The following IFT80 variants were observed in gnomAD, a reference collection of about 807,000 sequenced individuals.
IFT80 encodes intraflagellar transport 80.
Under a neutral mutation model 107.9 loss-of-function variants are expected in IFT80, and 79 were observed. The ratio of observed to expected loss-of-function variants is 0.73; its 90% CI spans 0.61 to 0.88. The LOEUF (loss-of-function observed/expected upper bound fraction) is 0.88. Ranked by LOEUF, IFT80 falls within the 40% of genes least tolerant of loss-of-function variation. The pLI, the probability that IFT80 is intolerant of heterozygous loss-of-function variation, is 0.00. For missense variants in IFT80, 797 were observed against 914.2 expected, an observed-to-expected ratio of 0.87 and a Z score of 1.65; for synonymous variants, 299 against 300.9, an observed-to-expected ratio of 0.99 and a Z score of 0.07.
At position 160,288,060 on chromosome 3, in the gene IFT80, G is replaced by C. The variant is rs945171692; in HGVS notation, c.1316-2192C>G. Among the ~76,000 whole-genome samples, 3 of 152,298 alleles carry C rather than the reference G, an allele frequency of 2.0e-5. No homozygotes were observed. The East Asian group carries it at 5.8e-4, about 29-fold the overall frequency. On this transcript the variant is annotated intron_variant, in intron 12 of 19. Transcript: ENST00000326448. Reference sequence around the variant, plus strand: ...TTAAACAGTTATTAAGAAATACAGCGCAGTCTGGGCGCAGTGGCTCACGCC... The same window carrying C: ...TTAAACAGTTATTAAGAAATACAGCCCAGTCTGGGCGCAGTGGCTCACGCC...
intron 3 of IFT80, among the ~76,000 whole-genome samples, chr3:160,380,734 C>T: frequency 6.6e-6 from 1 of 151,830 alleles, no homozygotes; most frequent in Non-Finnish European, 1.5e-5. Context: ...TTGTTATTCA[C>T]CAATAAGAAA....
chr3:160,301,137 A>C, intron 11 of IFT80, 91 bp from the exon 12 acceptor site: 1 of 1,185,220 alleles, frequency 8.4e-7, no homozygotes, highest in Non-Finnish European at 1.2e-6. Context: ...TTGGGAAAAA[A>C]AATCTAAATC....
intron 8 of IFT80, among the ~76,000 whole-genome samples, chr3:160,354,374 G>T (rs147973704): frequency 6.6e-6 from 1 of 152,298 alleles, no homozygotes; most frequent in Non-Finnish European, 1.5e-5. Flanking sequence ...CTTGGGCCGG[G>T]CTGGGTGGCT....
chr3:160,297,040 A>G (rs1257592665), intron 12 of IFT80, among the ~76,000 whole-genome samples: 1 of 152,170 alleles, frequency 6.6e-6, no homozygotes, highest in African/African-American at 2.4e-5. Flanking sequence ...CACTATTTAA[A>G]TAATGATAAT....
intron 8 of IFT80, among the ~76,000 whole-genome samples, chr3:160,349,264 A>G (rs1031812841): frequency 6.6e-6 from 1 of 152,090 alleles, no homozygotes; most frequent in African/African-American, 2.4e-5. Context: ...TCTGGCCAAC[A>G]TGGAAAAACC....
intron 6 of IFT80, among the ~76,000 whole-genome samples, chr3:160,363,626 A>T (rs1294229191): frequency 6.6e-6 from 1 of 152,130 alleles, no homozygotes; most frequent in Non-Finnish European, 1.5e-5. Flanking sequence ...CTACAAGGCT[A>T]CCACAACAGC....
chr3:160,296,203 TA>T (rs1201172128), intron 12 of IFT80, among the ~76,000 whole-genome samples: 1 of 151,856 alleles, frequency 6.6e-6, no homozygotes, highest in Non-Finnish European at 1.5e-5. Context: ...ATTTCAATCC[TA>T]AAAAAAACTG....
chr3:160,308,895 C>G (rs1390708543), intron 9 of IFT80, among the ~76,000 whole-genome samples: 1 of 152,088 alleles, frequency 6.6e-6, no homozygotes, highest in Middle Eastern at 3.2e-3. Flanking sequence ...AAAGAGGACC[C>G]AGAGAGCTGC....
intron 12 of IFT80, among the ~76,000 whole-genome samples, chr3:160,294,255 G>A (rs1715802912): frequency 6.6e-6 from 1 of 151,960 alleles, no homozygotes; most frequent in Admixed American, 6.6e-5. Context: ...GTCCTGCTCT[G>A]ATGCCCAGGC....
intron 18 of IFT80, among the ~76,000 whole-genome samples, chr3:160,269,091 T>C (rs904575054): frequency 3.3e-5 from 5 of 152,028 alleles, no homozygotes; most frequent in African/African-American, 4.8e-5. Flanking sequence ...TAGCTGGGCG[T>C]GGTGGTACAT....
chr3:160,355,922 G>A (rs985121719), intron 8 of IFT80, 91 bp downstream of exon 8: 11 of 1,431,276 alleles, frequency 7.7e-6, no homozygotes, highest in Admixed American at 1.7e-5. Context: ...TGCATCCATT[G>A]AAAATGTTTT....
intron 12 of IFT80, among the ~76,000 whole-genome samples, chr3:160,286,299 T>G (rs1046617100): frequency 6.6e-6 from 1 of 152,232 alleles, no homozygotes; most frequent in African/African-American, 2.4e-5. Flanking sequence ...TTTATTAGCT[T>G]GCATGGGGGA....
intron 18 of IFT80, among the ~76,000 whole-genome samples, chr3:160,272,755 T>C (rs2108217540): frequency 6.6e-6 from 1 of 152,260 alleles, no homozygotes. Flanking sequence ...ACATTAAACT[T>C]GTATATCCCA....
chr3:160,343,938 A>T, intron 8 of IFT80: 1 of 182,250 alleles, frequency 5.5e-6, no homozygotes, highest in Non-Finnish European at 1.2e-5. Flanking sequence ...AAAATAAATG[A>T]ACAAATTAAT....
intron 8 of IFT80, among the ~76,000 whole-genome samples, chr3:160,334,221 CTG>C (rs1490896997): frequency 6.6e-6 from 1 of 152,144 alleles, no homozygotes; most frequent in Non-Finnish European, 1.5e-5. Context: ...TAACAACAGA[CTG>C]TGCTTTCAGT....
At chr3:160,364,510 C>G (rs915687585) in intron 6 of IFT80, among the ~76,000 whole-genome samples, 1 of 152,012 alleles carries the variant, frequency 6.6e-6, no homozygotes, top group Non-Finnish European at 1.5e-5. Context: ...GGGTATATAC[C>G]CAAAGGATTA....
chr3:160,397,883 T>C (rs576424084), intron 1 of IFT80, among the ~76,000 whole-genome samples: 1 of 152,072 alleles, frequency 6.6e-6, no homozygotes, highest in Non-Finnish European at 1.5e-5. Context: ...CACCATGCCC[T>C]GCTAATTTTT....
At chr3:160,261,453 A>C (rs933487575) in intron 19 of IFT80, among the ~76,000 whole-genome samples, 4 of 148,654 alleles carry the variant, frequency 2.7e-5, no homozygotes, top group African/African-American at 1.0e-4. Context: ...AAAACAAAAA[A>C]TATATCTAGT....
intron 11 of IFT80, 89 bp downstream of exon 11, chr3:160,303,826 C>T (rs978484126): frequency 1.2e-6 from 1 of 814,298 alleles, no homozygotes; most frequent in Non-Finnish European, 2.2e-6. Context: ...GACTAGTATA[C>T]CATTCTTTTA....
Sources: gnomAD v4.1 joint callset for allele counts (sites outside exome capture counted in the v4.1 genomes callset) on GRCh38, gnomAD v4.1.1 for gene constraint, MANE v1.5 for transcripts, NCBI Gene and HGNC (gene_info 2026-07-23, HGNC 2026-07-21) for gene names.